CHRDL2: variants seen among roughly 807,000 people sequenced by gnomAD.
CHRDL2 encodes the protein chordin-like protein 2.
A neutral mutation model predicts 54.3 loss-of-function variants in CHRDL2; 41 were observed. The observed-to-expected ratio is 0.76, with a 90% CI of 0.59 to 0.98. The LOEUF (loss-of-function observed/expected upper bound fraction) is 0.98. Among genes scored for constraint, CHRDL2 ranks in the 50% least tolerant of loss-of-function variants. The pLI, the probability that CHRDL2 is intolerant of heterozygous loss-of-function variation, is 0.00. For missense variants in CHRDL2, 518 were observed against 562.4 expected, an observed-to-expected ratio of 0.92 and a Z score of 0.80; for synonymous variants, 220 against 224.3, an observed-to-expected ratio of 0.98 and a Z score of 0.17.
intron 1 of CHRDL2, 36 bp downstream of exon 1, chr11:74,730,771 C>T: frequency 6.4e-7 from 1 of 1,562,070 alleles, no homozygotes; most frequent in Non-Finnish European, 8.7e-7. Context: ...GGGGCCGCAT[C>T]CCTCCTCTGC....
At chr11:74,714,867 G>A (rs2034300842) in intron 2 of CHRDL2, among the ~76,000 whole-genome samples, 1 of 152,160 alleles carries the variant, frequency 6.6e-6, no homozygotes, top group South Asian at 2.1e-4. Context: ...GATGGAGACA[G>A]GTTAGCGGTG....
intron 6 of CHRDL2, among the ~76,000 whole-genome samples, chr11:74,704,986 G>T (rs1306237166): frequency 6.6e-6 from 1 of 152,206 alleles, no homozygotes; most frequent in Non-Finnish European, 1.5e-5. Context: ...TGATCAGGGA[G>T]AACTTCATAT....
rs201003334 is a variant in CHRDL2, at chr11:74,703,349, C to A, written c.902G>T (p.Arg301Leu). The A allele has an allele frequency of 6.2e-7, 1 of 1,612,594 alleles. No individual in the cohort carries two copies. Among genetic ancestry groups the A allele is most frequent in the South Asian group, 1.1e-5 (1 of 90,940 alleles). Reference sequence around the variant, plus strand: ...CTTCCCAGCCACTTTCTCGGGGTGACGGCAGGGGTACTCGGTGGGACAGGT... The same window carrying A: ...CTTCCCAGCCACTTTCTCGGGGTGAAGGCAGGGGTACTCGGTGGGACAGGT... The part of the protein sequence containing the change: ...RVTCPTEYPC[R>L]HPEKVAGKCC... Residue 301 changes from arginine to leucine, a missense_variant, in exon 8 of 11, where the codon CGT becomes CTT. Transcript: ENST00000376332.
At chr11:74,706,272 T>C (rs554059819) in intron 6 of CHRDL2, among the ~76,000 whole-genome samples, 10 of 152,072 alleles carry the variant, frequency 6.6e-5, no homozygotes, top group Admixed American at 3.3e-4. Flanking sequence ...GTGACCTGTT[T>C]CCCCCAGGCC....
At chr11:74,724,519 C>T (rs1245775103) in intron 1 of CHRDL2, among the ~76,000 whole-genome samples, 5 of 152,180 alleles carry the variant, frequency 3.3e-5, no homozygotes, top group Non-Finnish European at 5.9e-5. Flanking sequence ...TTGTGGTGGC[C>T]CTGTTTTCAG....
At chr11:74,706,465 G>T (rs561774070) in intron 6 of CHRDL2, 22 bp downstream of exon 6, 3 of 1,613,032 alleles carry the variant, frequency 1.9e-6, no homozygotes, top group Admixed American at 1.7e-5. Flanking sequence ...CCCGCACCCC[G>T]TCAATAAGGC....
Position 74,703,417 on chromosome 11 carries a change from G to C in CHRDL2, c.834C>G (p.Ile278Met). The change falls in exon 8 of 11, where the codon ATC becomes ATG. Residue 278 changes from isoleucine (I) to methionine (M), a missense_variant. Ile to Met is a conservative substitution (Grantham distance 10). Coordinates refer to ENST00000376332, the MANE Select transcript of CHRDL2 (RefSeq NM_001278473.3). Reference protein sequence around the residue: ...AFRAFGPLPCILCTCEDGRQD... With the variant: ...AFRAFGPLPCMLCTCEDGRQD... ...GGCGGCCATCCTCACAGGTGCATAG[G>C]ATGCAGGGCAAGGGGCCGAAGGCAC... The C allele has an allele frequency of 6.2e-7, 1 of 1,613,664 alleles. No homozygotes were observed. The highest frequency in any genetic ancestry group is 1.1e-5 in the South Asian group (1 of 91,050).
intron 9 of CHRDL2, among the ~76,000 whole-genome samples, chr11:74,702,374 G>A (rs2033846873): frequency 6.6e-6 from 1 of 152,162 alleles, no homozygotes; most frequent in Non-Finnish European, 1.5e-5. Context: ...ACTTACCTGG[G>A]AGTGATAAGA....
intron 6 of CHRDL2, among the ~76,000 whole-genome samples, chr11:74,705,641 C>T (rs187845080): frequency 6.6e-6 from 1 of 152,348 alleles, no homozygotes; most frequent in Admixed American, 6.5e-5. Flanking sequence ...TGATCAGAGC[C>T]TGGAACTCAG....
rs765077729 is a variant in CHRDL2, at chr11:74,702,928, G to C, written c.986C>G (p.Thr329Ser). The change falls in exon 9 of 11, where the codon ACC becomes AGC. Residue 329 changes from threonine to serine, a missense_variant. Thr to Ser is a moderately conservative substitution (Grantham distance 58). Coordinates refer to ENST00000376332, the MANE Select transcript of CHRDL2 (RefSeq NM_001278473.3). ...CCGGCCCGGTGCCTTGGGACACCTG[G>C]TAGAACTGATCTCACTGTGGCCAGG... ...ADPGHSEISS[T>S]RCPKAPGRVL... The C allele has an allele frequency of 1.5e-5, 24 of 1,613,996 alleles. 1 individual carries two copies. The African/African-American group carries it at 1.9e-4, about 13-fold the overall frequency.
intron 4 of CHRDL2, among the ~76,000 whole-genome samples, chr11:74,709,195 G>A (rs117009781): frequency 6.6e-6 from 1 of 152,278 alleles, no homozygotes; most frequent in East Asian, 1.9e-4. Context: ...AGTACCCAGG[G>A]AGAATGAACA....
intron 9 of CHRDL2, chr11:74,699,622 C>T (rs11236220): frequency 1.3e-5 from 2 of 152,364 alleles, no homozygotes; most frequent in Non-Finnish European, 2.9e-5. Flanking sequence ...ATTGAGACCC[C>T]GACATCCTTT....
intron 7 of CHRDL2, among the ~76,000 whole-genome samples, chr11:74,704,017 T>G (rs1352737985): frequency 6.6e-6 from 1 of 152,208 alleles, no homozygotes; most frequent in African/African-American, 2.4e-5. Flanking sequence ...TCATCCCCAC[T>G]GTCCTCCTGC....
chr11:74,703,259 G>C (rs766440572), intron 8 of CHRDL2, 46 bp downstream of exon 8: 45 of 1,537,904 alleles, frequency 2.9e-5, no homozygotes, highest in Non-Finnish European at 3.9e-5. Context: ...GAGACCCAGG[G>C]CTCACTCTGG....
chr11:74,730,655 C>G (rs1328389408), intron 1 of CHRDL2, 152 bp downstream of exon 1: 11 of 722,546 alleles, frequency 1.5e-5, no homozygotes, highest in Non-Finnish European at 2.6e-5. Context: ...GGTCCCCCGG[C>G]CCATACTGGT....
At chr11:74,702,271 G>GA (rs2033842696) in intron 9 of CHRDL2, among the ~76,000 whole-genome samples, 4 of 149,694 alleles carry the variant, frequency 2.7e-5, no homozygotes, top group South Asian at 4.2e-4. Flanking sequence ...AAAAAAAGTA[G>GA]AAAAAACTCC....
At chr11:74,700,196 G>A (rs910089265) in intron 9 of CHRDL2, among the ~76,000 whole-genome samples, 9 of 152,160 alleles carry the variant, frequency 5.9e-5, no homozygotes, top group South Asian at 2.1e-4. Flanking sequence ...GCATTAATAC[G>A]TGCCCCTTAG....
intron 2 of CHRDL2, among the ~76,000 whole-genome samples, chr11:74,714,588 G>A (rs746202595): frequency 6.1e-4 from 93 of 152,314 alleles, no homozygotes; most frequent in Non-Finnish European, 1.3e-3. Flanking sequence ...AGAGGTAATC[G>A]CGAGAACTAG....
intron 1 of CHRDL2, among the ~76,000 whole-genome samples, chr11:74,727,326 C>A (rs373024851): frequency 1.3e-5 from 2 of 152,134 alleles, no homozygotes; most frequent in East Asian, 3.9e-4. Flanking sequence ...CCCATGCCTG[C>A]GTCTAGGGTC....
Sources: allele counts gnomAD v4.1 joint callset (sites outside exome capture counted in the v4.1 genomes callset), GRCh38; gene constraint gnomAD v4.1.1; transcripts MANE v1.5; gene names NCBI Gene and HGNC (gene_info 2026-07-23, HGNC 2026-07-21).